Variants in EDAR observed in about 807,000 individuals in gnomAD.
EDAR encodes ectodysplasin A receptor.
EDAR carries 38 observed loss-of-function variants against 51.3 expected under a neutral mutation model. The observed-to-expected ratio is 0.74, with a 90% CI of 0.57 to 0.97. The LOEUF (loss-of-function observed/expected upper bound fraction) is 0.97, where lower values mean the gene tolerates loss of function less well. Among genes scored for constraint, EDAR ranks in the 50% least tolerant of loss-of-function variants. EDAR has a pLI of 0.00. For missense variants in EDAR, 528 were observed against 595.0 expected, an observed-to-expected ratio of 0.89 and a Z score of 1.17; for synonymous variants, 227 against 242.1, an observed-to-expected ratio of 0.94 and a Z score of 0.58.
At chr2:108,920,050 C>T (rs1461096786) in intron 5 of EDAR, among the ~76,000 whole-genome samples, 1 of 152,250 alleles carries the variant, frequency 6.6e-6, no homozygotes, top group Non-Finnish European at 1.5e-5. Context: ...TCCACATGGC[C>T]AGTCACAGAG....
At chr2:108,982,129 G>T (rs1387217157) in intron 1 of EDAR, among the ~76,000 whole-genome samples, 4 of 152,200 alleles carry the variant, frequency 2.6e-5, no homozygotes, top group Admixed American at 1.3e-4. Context: ...ATGAGAATAG[G>T]GGCCAGGTCT....
intron 1 of EDAR, among the ~76,000 whole-genome samples, chr2:108,967,177 C>A (rs1335454051): frequency 2.6e-5 from 4 of 152,168 alleles, no homozygotes; most frequent in African/African-American, 9.7e-5. Flanking sequence ...TCAACTGATC[C>A]ACCTGCCTTG....
At chr2:108,906,441 A>G in intron 10 of EDAR, 73 bp from the exon 11 acceptor site, 2 of 1,522,404 alleles carry the variant, frequency 1.3e-6, no homozygotes, top group Non-Finnish European at 1.8e-6. Flanking sequence ...CCTCCATGTC[A>G]GCAGGGGCAG....
intron 1 of EDAR, among the ~76,000 whole-genome samples, chr2:108,946,845 G>A (rs1173774234): frequency 6.6e-6 from 1 of 152,098 alleles, no homozygotes; most frequent in Admixed American, 6.5e-5. Flanking sequence ...AGATTTGGGT[G>A]GGGACACAGA....
At chr2:108,929,441 G>C in intron 3 of EDAR, 62 bp from the exon 4 acceptor site, 1 of 1,556,124 alleles carries the variant, frequency 6.4e-7, no homozygotes, top group Non-Finnish European at 8.9e-7. Flanking sequence ...TACGGACTCG[G>C]CCCACAGTCC....
chr2:108,911,987 G>T (rs1338722163), intron 6 of EDAR, among the ~76,000 whole-genome samples: 1 of 152,174 alleles, frequency 6.6e-6, no homozygotes, highest in African/African-American at 2.4e-5. Flanking sequence ...CTCCCCCCGG[G>T]GCCTGTGCAA....
chr2:108,955,534 G>C (rs1363245630), intron 1 of EDAR, among the ~76,000 whole-genome samples: 1 of 150,682 alleles, frequency 6.6e-6, no homozygotes, highest in African/African-American at 2.4e-5. Flanking sequence ...GATCACCTGA[G>C]GTCAGGGGTT....
intron 8 of EDAR, 38 bp from the exon 9 acceptor site, chr2:108,910,570 G>A (rs1479142598): frequency 6.4e-7 from 1 of 1,566,572 alleles, no homozygotes; most frequent in African/African-American, 1.3e-5. Flanking sequence ...ATAGGAGTTA[G>A]AATTGGCTCA....
chr2:108,932,793 G>C (rs1697396525), intron 1 of EDAR, among the ~76,000 whole-genome samples: 1 of 152,156 alleles, frequency 6.6e-6, no homozygotes, highest in African/African-American at 2.4e-5. Context: ...ATAAACCGTG[G>C]GGAAAACATT....
chr2:108,961,052 G>A (rs1048670078), intron 1 of EDAR, among the ~76,000 whole-genome samples: 8 of 152,224 alleles, frequency 5.3e-5, no homozygotes, highest in Admixed American at 3.3e-4. Flanking sequence ...GAGGCCAGGC[G>A]TATAAATGAG....
chr2:108,957,999 T>C (rs572548512), intron 1 of EDAR, among the ~76,000 whole-genome samples: 10 of 152,268 alleles, frequency 6.6e-5, no homozygotes, highest in Admixed American at 4.6e-4. Flanking sequence ...TGTTTGTCTT[T>C]AAGCAGCCCT....
chr2:108,928,183 G>C (rs563678928), intron 4 of EDAR, among the ~76,000 whole-genome samples: 1 of 152,238 alleles, frequency 6.6e-6, no homozygotes, highest in South Asian at 2.1e-4. Flanking sequence ...TGGCCACAGG[G>C]ACCCAATCAG....
chr2:108,985,934 G>A (rs1261700886), intron 1 of EDAR, among the ~76,000 whole-genome samples: 1 of 152,156 alleles, frequency 6.6e-6, no homozygotes, highest in Admixed American at 6.5e-5. Flanking sequence ...TATGACTGAA[G>A]ACACTTCAGG....
chr2:108,935,380 G>A (rs1487401333), intron 1 of EDAR, among the ~76,000 whole-genome samples: 1 of 152,144 alleles, frequency 6.6e-6, no homozygotes, highest in African/African-American at 2.4e-5. Flanking sequence ...CATTAGAAAT[G>A]CAGAATCTCA....
intron 1 of EDAR, among the ~76,000 whole-genome samples, chr2:108,938,470 A>G (rs189819858): frequency 5.9e-5 from 9 of 152,250 alleles, no homozygotes; most frequent in Admixed American, 3.9e-4. Flanking sequence ...GGTGCTCTGC[A>G]CTCTTGGAGG....
At chr2:108,942,726 C>T (rs1163162123) in intron 1 of EDAR, among the ~76,000 whole-genome samples, 1 of 152,272 alleles carries the variant, frequency 6.6e-6, no homozygotes, top group Non-Finnish European at 1.5e-5. Flanking sequence ...ACGAAGCCAG[C>T]TTCGCTCCCA....
intron 9 of EDAR, 38 bp from the exon 10 acceptor site, chr2:108,908,057 G>T: frequency 2.5e-6 from 4 of 1,575,390 alleles, no homozygotes; most frequent in Non-Finnish European, 3.5e-6. Flanking sequence ...GCAGTGCCTG[G>T]GGGGGCTGCA....
chr2:108,924,023 T>C (rs1697202926), intron 4 of EDAR, among the ~76,000 whole-genome samples: 1 of 152,242 alleles, frequency 6.6e-6, no homozygotes, highest in Admixed American at 6.5e-5. Context: ...GCCCTCATGA[T>C]AGCTGGCAAC....
At chr2:108,911,943 A>G (rs1397711889) in intron 6 of EDAR, among the ~76,000 whole-genome samples, 2 of 152,212 alleles carry the variant, frequency 1.3e-5, no homozygotes, top group East Asian at 1.9e-4. Context: ...TCTGGATGAC[A>G]TAAGTGTTTT....
Sources: allele counts gnomAD v4.1 joint callset (sites outside exome capture counted in the v4.1 genomes callset), GRCh38; gene constraint gnomAD v4.1.1; transcripts MANE v1.5; gene names NCBI Gene and HGNC (gene_info 2026-07-23, HGNC 2026-07-21).